PDGFRB: variants seen among roughly 807,000 people sequenced by gnomAD.
The protein encoded by PDGFRB is platelet derived growth factor receptor beta.
Under a neutral mutation model 120.2 loss-of-function variants are expected in PDGFRB, and 42 were observed. The ratio of observed to expected loss-of-function variants is 0.35; its 90% CI spans 0.27 to 0.45. PDGFRB has a LOEUF of 0.45. Among genes scored for constraint, PDGFRB ranks in the 20% least tolerant of loss-of-function variants. PDGFRB has a pLI of 1.00. For missense variants in PDGFRB, 1,149 were observed against 1,476.3 expected, an observed-to-expected ratio of 0.78 and a Z score of 3.63; for synonymous variants, 586 against 606.8, an observed-to-expected ratio of 0.97 and a Z score of 0.50.
At chr5:150,137,462 A>G (rs984412818) in intron 1 of PDGFRB, 4 of 162,048 alleles carry the variant, frequency 2.5e-5, no homozygotes, top group African/African-American at 9.6e-5. Context: ...TGCCAGGACA[A>G]ATATTTGGGA....
At chr5:150,137,314 C>A (rs890977046) in intron 1 of PDGFRB, 5 of 435,970 alleles carry the variant, frequency 1.1e-5, no homozygotes, top group Non-Finnish European at 8.2e-6. Context: ...GCCTCGGCTG[C>A]GTCCCCAGAC....
intron 1 of PDGFRB, among the ~76,000 whole-genome samples, chr5:150,146,524 C>G (rs898321491): frequency 6.6e-6 from 1 of 152,144 alleles, no homozygotes; most frequent in Non-Finnish European, 1.5e-5. Flanking sequence ...AAACTCAGGC[C>G]GGCCTGACTC....
At chr5:150,136,751 T>G (rs1760643798) in intron 2 of PDGFRB, among the ~76,000 whole-genome samples, 1 of 151,924 alleles carries the variant, frequency 6.6e-6, no homozygotes, top group African/African-American at 2.4e-5. Context: ...GAAGGTGGGA[T>G]GGGGTCTGGA....
rs530614215 is a variant in PDGFRB at position 150,117,532 on chromosome 5, G to A, written c.3137+86C>T. ...ACCTCTGAGGCAAACCTGGCAGCGC[G>A]CGCGCGCGCGCGCACACACACACAC... On this transcript the variant is annotated intron_variant, in intron 22 of 22. Transcript: ENST00000261799. 968 of 618,850 alleles carry A rather than the reference G, an allele frequency of 1.6e-3. 9 individuals are homozygous for A. In the African/African-American group the frequency reaches 0.029, roughly 19 times the overall value. The allele number at this position is 618,850 out of a possible 1,614,324, so 38.3% of individuals were successfully genotyped here. A position where few individuals can be genotyped will look rare whatever the true frequency, so the allele number is the denominator to read the frequency against.
rs751737902 is a variant in PDGFRB at position 150,134,741 on chromosome 5, G to A, written c.631+9C>T. 4.4e-6 allele frequency: 7 copies of A among 1,603,108 alleles called. No individual in the cohort carries two copies. In the Admixed American group the frequency reaches 1.2e-4, roughly 27 times the overall value. On this transcript the variant is annotated intron_variant, in intron 4 of 22. Coordinates refer to ENST00000261799, the MANE Select transcript of PDGFRB (RefSeq NM_002609.4). ...CTCTGCTGAGCATCAGGCCAGAAAG[G>A]GGGCTCACCCTGGAGTCTGTAGACA... is the stretch of plus-strand genomic sequence containing the variant.
chr5:150,122,207 G>C, intron 15 of PDGFRB, 167 bp from the exon 16 acceptor site: 1 of 597,964 alleles, frequency 1.7e-6, no homozygotes, highest in South Asian at 2.0e-5. Flanking sequence ...CCAACCTGCT[G>C]GGCCAAGCTG....
In PDGFRB at chr5:150,132,168, G is replaced by C. The variant is rs549863067; in HGVS notation, c.1128-74C>G. 1.1e-5 allele frequency: 9 copies of C among 808,326 alleles called. No homozygotes were observed. The highest frequency in any genetic ancestry group is 2.1e-6 in the Non-Finnish European group (1 of 472,712). The allele number at this position is 808,326 out of a possible 1,614,324, so 50.1% of individuals were successfully genotyped here. The stretch of plus-strand genomic sequence containing the variant: ...TCTCCCCACCCTCCTGGTATAAAGA[G>C]GAACAAGGCCCAGGGAGGGGAAGGG... On this transcript the variant is annotated intron_variant, in intron 7 of 22. Coordinates refer to ENST00000261799, the MANE Select transcript of PDGFRB (RefSeq NM_002609.4). The surrounding 1 kb of genome is among the most constrained non-coding windows in gnomAD (Gnocchi z 5.0).
At chr5:150,135,447 C>G in intron 3 of PDGFRB, 108 bp downstream of exon 3, 1 of 761,068 alleles carries the variant, frequency 1.3e-6, no homozygotes, top group Non-Finnish European at 2.2e-6. Flanking sequence ...GTCTGCTTTT[C>G]TAGGATGGCT....
At position 150,120,177 on chromosome 5, in the gene PDGFRB, C is replaced by G; in HGVS notation, c.2587-54G>C. 3 of 809,772 alleles carry G rather than the reference C, an allele frequency of 3.7e-6. No homozygotes were observed. In the South Asian group the frequency reaches 4.0e-5, roughly 11 times the overall value. 50.2% of individuals were successfully genotyped at this position (809,772 alleles called of 1,614,324 possible). On this transcript the variant is annotated intron_variant, in intron 18 of 22. Transcript: ENST00000261799. This position sits in a 1 kb window ranked among gnomAD's most constrained non-coding sequence, Gnocchi z 4.3. Reference sequence around the variant, plus strand: ...TGCAAGGAAGGACCTCAGCCCCACTCTGCACCTGGGATGGGAGGAGGGTAT... The same window carrying G: ...TGCAAGGAAGGACCTCAGCCCCACTGTGCACCTGGGATGGGAGGAGGGTAT...
In PDGFRB at chr5:150,115,731, G is replaced by A. The variant is rs762746736; in HGVS notation, c.*32C>T. 2.6e-6 allele frequency: 4 copies of A among 1,532,824 alleles called. No homozygotes were observed. The highest frequency in any genetic ancestry group is 2.6e-6 in the Non-Finnish European group (3 of 1,140,730). The allele number at this position is 1,532,824 out of a possible 1,614,324, so 95.0% of individuals were successfully genotyped here. On this transcript the variant is annotated 3_prime_UTR_variant, in exon 23 of 23. Coordinates refer to ENST00000261799, the MANE Select transcript of PDGFRB (RefSeq NM_002609.4). ...GATGCTGGGTGCTGGCAGGGGGGGAGCTTCAGGCAGGGCAGGGTAGGGGCC... is the reference window on the plus strand; with the variant it reads ...GATGCTGGGTGCTGGCAGGGGGGGAACTTCAGGCAGGGCAGGGTAGGGGCC...
intron 1 of PDGFRB, among the ~76,000 whole-genome samples, chr5:150,146,329 C>T (rs1331407409): frequency 6.6e-6 from 1 of 152,208 alleles, no homozygotes; most frequent in Admixed American, 6.5e-5. Flanking sequence ...AAAGTCCCTA[C>T]TAATTTAGAG....
rs1450397504 is a variant in PDGFRB, at chr5:150,129,927, G to C, written c.1409C>G (p.Ser470Cys). The change falls in exon 10 of 23, where the codon TCC becomes TGC. Residue 470 changes from serine to cysteine, a missense_variant. Physicochemically the swap from Ser to Cys is moderately radical, Grantham distance 112 (BLOSUM62 -1). Around this residue, in one of 3 missense-constraint regions of PDGFRB, gnomAD observed 879 missense variants for 1,108.6 expected, o/e 0.79. Coordinates refer to ENST00000261799, the MANE Select transcript of PDGFRB (RefSeq NM_002609.4). ...AGTCTCCAGCTGGCTCTCCTCTTCG[G>C]AACTGTTCCCCAGCAGCGTGGGCGG... Reference protein sequence around the residue: ...ELPPTLLGNSSEEESQLETNV... With the variant: ...ELPPTLLGNSCEEESQLETNV... The C allele has an allele frequency of 6.2e-7, 1 of 1,613,992 alleles. No homozygotes were observed. The highest frequency in any genetic ancestry group is 1.3e-5 in the African/African-American group (1 of 74,948).
In PDGFRB at chr5:150,134,976, T is replaced by G. The variant is rs1426569997; in HGVS notation, c.405A>C (p.Leu135=). The change falls in exon 4 of 23, where the codon CTA becomes CTC. Residue 135 remains leucine, a synonymous_variant. Coordinates refer to ENST00000261799, the MANE Select transcript of PDGFRB (RefSeq NM_002609.4). ...VGFLPNDAEE[L]FIFLTEITEI... is the part of the protein sequence containing the mutation. ...CAGTTATTTCCGTGAGAAAGATGAATAGTTCCTCGGCATCATTAGGGAGGA... is the reference window on the plus strand; with the variant it reads ...CAGTTATTTCCGTGAGAAAGATGAAGAGTTCCTCGGCATCATTAGGGAGGA... 6.2e-7 allele frequency: 1 copy of G among 1,612,210 alleles called. No individual in the cohort carries two copies. Among genetic ancestry groups the G allele is most frequent in the Non-Finnish European group, 8.5e-7 (1 of 1,178,820 alleles).
At position 150,129,850 on chromosome 5, in the gene PDGFRB, G is replaced by A. The variant is rs1225116257; in HGVS notation, c.1486C>T (p.Arg496Cys). ...AGTGGCCGATCCACGTGCTGCAGACGCAGTGTGCTCACCACCTCAAACTCC... is the reference window on the plus strand; with the variant it reads ...AGTGGCCGATCCACGTGCTGCAGACACAGTGTGCTCACCACCTCAAACTCC... ...EQEFEVVSTL[R>C]LQHVDRPLSV... The change falls in exon 10 of 23, where the codon CGT (arginine) becomes TGT (cysteine). Residue 496 changes from arginine to cysteine, a missense_variant. Physicochemically the swap from Arg to Cys is radical, Grantham distance 180 (BLOSUM62 -3). Transcript: ENST00000261799. The A allele has an allele frequency of 3.7e-6, 6 of 1,614,070 alleles. No individual in the cohort carries two copies. The highest frequency in any genetic ancestry group is 1.3e-5 in the African/African-American group (1 of 75,080).
Position 150,119,550 on chromosome 5 carries a change from T to C in PDGFRB, c.2715A>G (p.Pro905=), listed in dbSNP as rs1190809731. Residue 905 remains proline (P), a synonymous_variant, in exon 20 of 23, where the codon CCA becomes CCG. Transcript: ENST00000261799. ...AGAACTGCTCGTTCATGGGCAGCTCTGGGTAAGGGGTGCCACCTGTTGGGG... is the reference window on the plus strand; with the variant it reads ...AGAACTGCTCGTTCATGGGCAGCTCCGGGTAAGGGGTGCCACCTGTTGGGG... ...EIFTLGGTPY[P]ELPMNEQFYN... 3 of 1,611,570 alleles carry C rather than the reference T, an allele frequency of 1.9e-6. No homozygotes were observed. The highest frequency in any genetic ancestry group is 2.5e-6 in the Non-Finnish European group (3 of 1,177,646).
chr5:150,137,467 T>C (rs923081719), intron 1 of PDGFRB: 2 of 160,494 alleles, frequency 1.2e-5, no homozygotes, highest in African/African-American at 4.8e-5. Context: ...GGACAAATAT[T>C]TGGGAAAGTG....
rs1308310891 is a variant in PDGFRB at position 150,115,644 on chromosome 5, A to G, written c.*119T>C. ...AACACGTCAGGAGCAGAAAGCTTCC[A>G]GAAGGGGACAGCTGATAAGGGCAGC... On this transcript the variant is annotated 3_prime_UTR_variant, in exon 23 of 23. Transcript: ENST00000261799. 1.0e-6 allele frequency: 1 copy of G among 952,528 alleles called. No homozygotes were observed. Among genetic ancestry groups the G allele is most frequent in the Non-Finnish European group, 1.5e-6 (1 of 672,772 alleles). 59.0% of individuals were successfully genotyped at this position (952,528 alleles called of 1,614,324 possible).
intron 4 of PDGFRB, among the ~76,000 whole-genome samples, chr5:150,134,535 A>G (rs188174656): frequency 6.6e-6 from 1 of 152,350 alleles, no homozygotes; most frequent in East Asian, 1.9e-4. Context: ...CAGCTCTGCC[A>G]CTATCGAATT....
intron 1 of PDGFRB, among the ~76,000 whole-genome samples, chr5:150,138,594 C>T (rs1469502349): frequency 6.6e-6 from 1 of 152,094 alleles, no homozygotes; most frequent in Non-Finnish European, 1.5e-5. Context: ...AAGGTCTCCT[C>T]GTTTCTTCCT....
Sources: gnomAD v4.1 joint callset for allele counts (sites outside exome capture counted in the v4.1 genomes callset) on GRCh38, gnomAD v4.1.1 for gene constraint, gnomAD v4.1.1 regional missense constraint, Gnocchi (gnomAD v3.1) non-coding constraint, MANE v1.5 for transcripts, NCBI Gene and HGNC (gene_info 2026-07-23, HGNC 2026-07-21) for gene names.